Variants in MTUS1 observed in about 807,000 individuals in gnomAD.
MTUS1 encodes microtubule associated scaffold protein 1.
Under a neutral mutation model 120.8 loss-of-function variants are expected in MTUS1, and 109 were observed. That is an observed-to-expected ratio of 0.90 (90% CI 0.77 to 1.06). MTUS1 has a LOEUF of 1.06. MTUS1 is among the 50% of genes least tolerant of loss of function. The pLI is 0.00. For synonymous variants in MTUS1, 737 were observed against 550.5 expected (o/e 1.34, Z -4.74); for missense variants, 2,210 against 1,486.3 (o/e 1.49, Z -8.01).
chr8:17,710,041 A>G (rs1465243762), intron 6 of MTUS1, among the ~76,000 whole-genome samples: 2 of 151,910 alleles, frequency 1.3e-5, no homozygotes, highest in African/African-American at 2.4e-5. Flanking sequence ...AAAATATTTC[A>G]TTGCTAAAAA....
intron 1 of MTUS1, among the ~76,000 whole-genome samples, chr8:17,760,291 C>T (rs1435929319): frequency 6.6e-6 from 1 of 152,056 alleles, no homozygotes; most frequent in East Asian, 1.9e-4. Flanking sequence ...AACATGTGTT[C>T]ATAAATACTT....
chr8:17,653,081 GATTCCCA>G, intron 12 of MTUS1, 98 bp downstream of exon 12: 2 of 662,338 alleles, frequency 3.0e-6, no homozygotes, highest in Non-Finnish European at 5.2e-6. Flanking sequence ...ACATGAGAAG[GATTCCCA>G]ACCTGTGTTA....
At chr8:17,760,920 T>C (rs2048993215) in intron 1 of MTUS1, among the ~76,000 whole-genome samples, 2 of 151,828 alleles carry the variant, frequency 1.3e-5, no homozygotes, top group Non-Finnish European at 2.9e-5. Context: ...GAACAAGGTA[T>C]AACACCAGAA....
chr8:17,679,741 G>T (rs1052358061), intron 7 of MTUS1, among the ~76,000 whole-genome samples: 1 of 152,050 alleles, frequency 6.6e-6, no homozygotes, highest in African/African-American at 2.4e-5. Flanking sequence ...GACCTCAAGC[G>T]ATCCACCCGC....
At chr8:17,716,239 G>C (rs1463817678) in intron 4 of MTUS1, among the ~76,000 whole-genome samples, 2 of 152,170 alleles carry the variant, frequency 1.3e-5, no homozygotes, top group Admixed American at 1.3e-4. Flanking sequence ...GGTGCAGCTA[G>C]GAAGAGCACC....
chr8:17,676,979 C>G (rs553012154), intron 7 of MTUS1, among the ~76,000 whole-genome samples: 1 of 152,218 alleles, frequency 6.6e-6, no homozygotes, highest in South Asian at 2.1e-4. Context: ...CTACGGAAGT[C>G]AAGTCTAAAC....
In MTUS1 at chr8:17,655,848, T is replaced by C. The variant is rs953578175; in HGVS notation, c.3108+15A>G. ...GCAGAGGCCTCAGACAAGCTCTGGC[T>C]GCAAAAGCACAGACCTGCTCTTGCA... is the stretch of plus-strand genomic sequence containing the variant. On this transcript the variant is annotated intron_variant, in intron 9 of 14. Coordinates refer to ENST00000693296, the MANE Select transcript of MTUS1 (RefSeq NM_001363059.2). 1.9e-6 allele frequency: 3 copies of C among 1,613,676 alleles called. No individual in the cohort carries two copies. The African/African-American group carries it at 4.0e-5, about 21-fold the overall frequency.
At chr8:17,796,341 C>A (rs77166814) in intron 1 of MTUS1, among the ~76,000 whole-genome samples, 2 of 17,564 alleles carry the variant, frequency 1.1e-4, no homozygotes, top group Admixed American at 1.0e-3. Context: ...TTACAATATA[C>A]AGCTTGAAGT....
In MTUS1 at chr8:17,662,043, A is replaced by T. The variant is rs1428988735; in HGVS notation, c.2906-5978T>A. Reference sequence around the variant, plus strand: ...GAGTGCTCCTCGGCAGCTGTGACATAAACGTGTGTGTGTGGCGGTGGGGGG... The same window carrying T: ...GAGTGCTCCTCGGCAGCTGTGACATTAACGTGTGTGTGTGGCGGTGGGGGG... On this transcript the variant is annotated intron_variant, in intron 8 of 14. Transcript: ENST00000693296. Among the ~76,000 whole-genome samples the T allele has an allele frequency of 2.6e-5, 4 of 152,294 alleles. No homozygotes were observed. The South Asian group carries it at 8.3e-4, about 32-fold the overall frequency.
chr8:17,715,961 C>T (rs1822248302), intron 4 of MTUS1, 60 bp from the exon 5 acceptor site: 2 of 1,511,118 alleles, frequency 1.3e-6, no homozygotes, highest in South Asian at 1.2e-5. Context: ...CGACCTTCCA[C>T]ATTTATTCCT....
rs1330474345 is a variant in MTUS1 at position 17,646,987 on chromosome 8, G to C, written c.3594C>G (p.Ile1198Met). The C allele has an allele frequency of 8.7e-6, 14 of 1,612,742 alleles. No individual in the cohort carries two copies. Among genetic ancestry groups the C allele is most frequent in the African/African-American group, 1.3e-5 (1 of 74,892 alleles). ...LKARMDKHMA[I>M]SRQLSTEQAV... ...CAGCACTGTTTTATTTTTACCTTGA[G>C]ATTGCCATGTGCTTGTCCATCCGAG... The change falls in exon 14 of 15, where the codon ATC (isoleucine) becomes ATG (methionine). Residue 1198 changes from isoleucine (I) to methionine (M), a missense_variant. Transcript: ENST00000693296.
At chr8:17,714,339 G>A (rs1233042838) in intron 5 of MTUS1, among the ~76,000 whole-genome samples, 1 of 152,158 alleles carries the variant, frequency 6.6e-6, no homozygotes, top group Non-Finnish European at 1.5e-5. Context: ...GAGAGAGAGA[G>A]AGACATGTTA....
chr8:17,794,712 C>T (rs1426839117), intron 1 of MTUS1, among the ~76,000 whole-genome samples: 3 of 152,108 alleles, frequency 2.0e-5, no homozygotes, highest in Admixed American at 6.6e-5. Context: ...AACAGTATAG[C>T]AGTTTACAGT....
chr8:17,703,539 G>C (rs1387070973), intron 6 of MTUS1, among the ~76,000 whole-genome samples: 1 of 150,850 alleles, frequency 6.6e-6, no homozygotes, highest in Admixed American at 6.6e-5. Flanking sequence ...CCAGGCAGGA[G>C]AATGGCGTGA....
At chr8:17,762,995 A>AT in intron 1 of MTUS1, among the ~76,000 whole-genome samples, 1 of 57,962 alleles carries the variant, frequency 1.7e-5, no homozygotes, top group Non-Finnish European at 4.6e-5. Context: ...ATCCAATGGT[A>AT]CCTTTTTTTT....
intron 1 of MTUS1, among the ~76,000 whole-genome samples, chr8:17,799,130 G>C (rs932358938): frequency 6.6e-6 from 1 of 152,036 alleles, no homozygotes; most frequent in African/African-American, 2.4e-5. Flanking sequence ...TTTTTGGAAA[G>C]CAAATGGTCA....
At chr8:17,652,268 G>T (rs563307777) in intron 12 of MTUS1, among the ~76,000 whole-genome samples, 4 of 152,180 alleles carry the variant, frequency 2.6e-5, no homozygotes, top group Non-Finnish European at 4.4e-5. Flanking sequence ...GTACTTTTCA[G>T]AATTGACATT....
intron 1 of MTUS1, among the ~76,000 whole-genome samples, chr8:17,787,559 A>T (rs937706127): frequency 2.0e-5 from 3 of 152,188 alleles, no homozygotes; most frequent in African/African-American, 7.2e-5. Context: ...TATGAGAAGC[A>T]TACGTTTATC....
intron 8 of MTUS1, chr8:17,674,967 C>G: frequency 7.7e-7 from 1 of 1,295,786 alleles, no homozygotes; most frequent in Non-Finnish European, 9.8e-7. Flanking sequence ...AGAAGTTCTG[C>G]TAGGCTTAGT....
Sources: allele counts gnomAD v4.1 joint callset (sites outside exome capture counted in the v4.1 genomes callset), GRCh38; gene constraint gnomAD v4.1.1; transcripts MANE v1.5; gene names NCBI Gene and HGNC (gene_info 2026-07-23, HGNC 2026-07-21).